Variants in ZFPM2 observed in about 807,000 individuals in gnomAD.
ZFPM2 encodes zinc finger protein ZFPM2.
In ZFPM2, 20 loss-of-function variants were observed where a neutral mutation model predicts 98.6. The ratio of observed to expected loss-of-function variants is 0.20; its 90% confidence interval spans 0.14 to 0.29. The LOEUF (loss-of-function observed/expected upper bound fraction) is 0.29. Among genes scored for constraint, ZFPM2 ranks in the 10% least tolerant of loss-of-function variants. The probability of loss-of-function intolerance (pLI) is 1.00; values close to 1 mark genes in which losing one functional copy is unlikely to be tolerated. For missense variants in ZFPM2, 1,310 were observed against 1,388.6 expected, an observed-to-expected ratio of 0.94 and a Z score of 0.90; for synonymous variants, 518 against 502.7, an observed-to-expected ratio of 1.03 and a Z score of -0.41.
At chr8:105,364,071 T>C (rs1339423092) in intron 1 of ZFPM2, among the ~76,000 whole-genome samples, 1 of 152,086 alleles carries the variant, frequency 6.6e-6, no homozygotes, top group African/African-American at 2.4e-5. Context: ...TCCTATATAG[T>C]GGTCTTAGCT....
intron 1 of ZFPM2, among the ~76,000 whole-genome samples, chr8:105,402,638 C>T (rs1424643801): frequency 6.6e-6 from 1 of 151,836 alleles, no homozygotes; most frequent in Non-Finnish European, 1.5e-5. Flanking sequence ...TATGTGTTGT[C>T]TAATATTTTA....
intron 5 of ZFPM2, among the ~76,000 whole-genome samples, chr8:105,680,225 T>C (rs1208347065): frequency 1.3e-5 from 2 of 152,186 alleles, no homozygotes; most frequent in Non-Finnish European, 2.9e-5. Context: ...TCCATTTTCT[T>C]TTTTAGGATG....
chr8:105,522,986 A>G (rs575039317), intron 3 of ZFPM2, among the ~76,000 whole-genome samples: 2 of 152,144 alleles, frequency 1.3e-5, no homozygotes, highest in Non-Finnish European at 2.9e-5. Context: ...ATGAGTGGAA[A>G]TATAGCCTAA....
At chr8:105,398,435 G>A (rs1208764740) in intron 1 of ZFPM2, among the ~76,000 whole-genome samples, 1 of 152,102 alleles carries the variant, frequency 6.6e-6, no homozygotes, top group African/African-American at 2.4e-5. Flanking sequence ...TTTGCTAAAC[G>A]ATGATTTTTG....
intron 4 of ZFPM2, among the ~76,000 whole-genome samples, chr8:105,584,444 G>C (rs1433555083): frequency 5.9e-5 from 9 of 152,118 alleles, no homozygotes; most frequent in Non-Finnish European, 1.3e-4. Context: ...TGAGTAGGGG[G>C]TTTAGGCCTG....
intron 5 of ZFPM2, 130 bp downstream of exon 5, chr8:105,634,487 C>A: frequency 1.4e-6 from 1 of 722,610 alleles, no homozygotes; most frequent in Non-Finnish European, 2.3e-6. Context: ...CATTTGAGTT[C>A]CTCTAATGTG....
chr8:105,319,176 G>C (rs955128679), intron 1 of ZFPM2, among the ~76,000 whole-genome samples, 195 bp downstream of exon 1: 2 of 152,080 alleles, frequency 1.3e-5, no homozygotes, highest in African/African-American at 4.8e-5. Flanking sequence ...CCCGAGCCTC[G>C]GGCAGGAGAG....
chr8:105,779,740 CTTAA>C (rs1813198922), intron 5 of ZFPM2, among the ~76,000 whole-genome samples: 2 of 152,098 alleles, frequency 1.3e-5, no homozygotes, highest in Non-Finnish European at 2.9e-5. Flanking sequence ...TTGTCTTAAT[CTTAA>C]TTAGAGTTTA....
chr8:105,494,921 T>A (rs570859430), intron 3 of ZFPM2, among the ~76,000 whole-genome samples: 1 of 152,360 alleles, frequency 6.6e-6, no homozygotes, highest in East Asian at 1.9e-4. Flanking sequence ...TTTTTATTGA[T>A]GAAATTCAAA....
intron 5 of ZFPM2, among the ~76,000 whole-genome samples, chr8:105,715,797 A>G (rs905944478): frequency 6.6e-6 from 1 of 152,024 alleles, no homozygotes; most frequent in Non-Finnish European, 1.5e-5. Context: ...AGAATTCTCA[A>G]CAGGGAACAA....
chr8:105,617,019 C>CG (rs1563744612), intron 4 of ZFPM2, among the ~76,000 whole-genome samples: 5 of 15,790 alleles, frequency 3.2e-4, no homozygotes, highest in Non-Finnish European at 3.2e-4. Context: ...GACTCTGTCT[C>CG]GAAAAAAAAA....
intron 4 of ZFPM2, among the ~76,000 whole-genome samples, chr8:105,593,107 AGACCCCTT>A (rs1377800490): frequency 6.6e-6 from 1 of 152,152 alleles, no homozygotes; most frequent in African/African-American, 2.4e-5. Flanking sequence ...TAGGATATCG[AGACCCCTT>A]GACCAGCATG....
chr8:105,513,479 C>T (rs1278466724), intron 3 of ZFPM2, among the ~76,000 whole-genome samples: 1 of 152,160 alleles, frequency 6.6e-6, no homozygotes, highest in African/African-American at 2.4e-5. Context: ...ATCATCACGT[C>T]AGTAGTTAGT....
chr8:105,630,606 A>C (rs564046925), intron 4 of ZFPM2, among the ~76,000 whole-genome samples: 2 of 152,176 alleles, frequency 1.3e-5, no homozygotes, highest in Non-Finnish European at 2.9e-5. Flanking sequence ...CAGGCAAAAT[A>C]AATGTTTGCC....
chr8:105,402,682 T>C (rs1197799516), intron 1 of ZFPM2, among the ~76,000 whole-genome samples: 1 of 152,056 alleles, frequency 6.6e-6, no homozygotes. Flanking sequence ...GCATTTAGAC[T>C]CATCAAAATC....
chr8:105,709,307 G>A (rs1490955186), intron 5 of ZFPM2, among the ~76,000 whole-genome samples: 1 of 152,046 alleles, frequency 6.6e-6, no homozygotes, highest in Non-Finnish European at 1.5e-5. Flanking sequence ...TAAAAACATG[G>A]CTATTTTTGT....
chr8:105,494,182 A>AGTATATATATATATATATATAT (rs1813411885), intron 3 of ZFPM2, among the ~76,000 whole-genome samples: 3 of 41,984 alleles, frequency 7.1e-5, no homozygotes, highest in Non-Finnish European at 1.3e-4. Context: ...TGCCACCAAA[A>AGTATATATATATATATATATAT]GTATATATAT....
chr8:105,708,480 A>G (rs1194578026), intron 5 of ZFPM2, among the ~76,000 whole-genome samples: 1 of 151,994 alleles, frequency 6.6e-6, no homozygotes, highest in Non-Finnish European at 1.5e-5. Context: ...CCCAGGCTGG[A>G]GTGCAGTGGT....
intron 4 of ZFPM2, among the ~76,000 whole-genome samples, chr8:105,598,789 G>GA (rs779499047): frequency 1.4e-4 from 22 of 152,060 alleles, no homozygotes; most frequent in Admixed American, 6.6e-4. Flanking sequence ...TGAAACCCTG[G>GA]AGGAAAACCC....
Sources: gnomAD v4.1 joint callset for allele counts (sites outside exome capture counted in the v4.1 genomes callset) on GRCh38, gnomAD v4.1.1 for gene constraint, MANE v1.5 for transcripts, NCBI Gene and HGNC (gene_info 2026-07-23, HGNC 2026-07-21) for gene names.